The following MTHFD1L variants were observed in gnomAD, a reference collection of about 807,000 sequenced individuals.
MTHFD1L encodes the protein monofunctional C1-tetrahydrofolate synthase, mitochondrial.
Under a neutral mutation model 119.5 loss-of-function variants are expected in MTHFD1L, and 81 were observed. The ratio of observed to expected loss-of-function variants is 0.68; its 90% CI spans 0.57 to 0.82. The LOEUF is 0.82. Ranked by LOEUF, MTHFD1L falls within the 40% of genes least tolerant of loss-of-function variation. The probability of loss-of-function intolerance (pLI) is 0.00; values close to 1 mark genes in which losing one functional copy is unlikely to be tolerated. For missense variants in MTHFD1L, 1,125 were observed against 1,253.4 expected (o/e 0.90, Z 1.55); for synonymous variants, 430 against 475.2 (o/e 0.90, Z 1.24).
In MTHFD1L at chr6:150,964,452, C is replaced by G. The variant is rs138583369; in HGVS notation, c.1945-517C>G. On this transcript the variant is annotated intron_variant, in intron 18 of 27. Coordinates refer to ENST00000367321, the MANE Select transcript of MTHFD1L (RefSeq NM_015440.5). ...ACATCTAAACTAGAAAGCTTTTAAA[C>G]GTGGTAGTTTGTTGAGTTATTCTCT... is the stretch of plus-strand genomic sequence containing the variant. Among the ~76,000 whole-genome samples, 567 of 152,186 alleles carry G rather than the reference C, an allele frequency of 3.7e-3. 3 individuals carry two copies. Among genetic ancestry groups the G allele is most frequent in the African/African-American group, 0.013 (550 of 41,540 alleles).
chr6:151,093,559 A>T (rs148249915), intron 27 of MTHFD1L, among the ~76,000 whole-genome samples: 5,100 of 152,224 alleles, frequency 0.034, 174 homozygotes, highest in Admixed American at 0.11. Context: ...CGGGAGGCTG[A>T]GGCAGAGAAT....
intron 1 of MTHFD1L, among the ~76,000 whole-genome samples, chr6:150,875,588 A>G (rs1231133544): frequency 6.6e-6 from 1 of 151,598 alleles, no homozygotes; most frequent in Non-Finnish European, 1.5e-5. Context: ...TCCTTCTTTA[A>G]ATTCCAGGAC....
rs768600019 is a variant in MTHFD1L at position 151,014,990 on chromosome 6, GCCT to G, written c.2408+17_2408+19del. On this transcript the variant is annotated intron_variant, in intron 23 of 27. Transcript: ENST00000367321. ...CTCTGAATGTCTTCAAGTAAGTCCA[GCCT>G]CCTCCTTTAAATGTGGGCATTATCA... 183 of 1,611,012 alleles carry G rather than the reference GCCT, an allele frequency of 1.1e-4. No homozygotes were observed. The highest frequency in any genetic ancestry group is 1.7e-4 in the Admixed American group (10 of 59,876).
chr6:151,027,603 A>G (rs1784766205), intron 24 of MTHFD1L, among the ~76,000 whole-genome samples: 1 of 151,868 alleles, frequency 6.6e-6, no homozygotes, highest in Admixed American at 6.6e-5. Flanking sequence ...TATCAAGCTC[A>G]GATCAAGACC....
At chr6:151,092,155 G>A (rs913616298) in intron 26 of MTHFD1L, among the ~76,000 whole-genome samples, 5 of 152,084 alleles carry the variant, frequency 3.3e-5, no homozygotes, top group Admixed American at 6.6e-5. Flanking sequence ...CTTTGTTGGC[G>A]TTCAGCATGA....
rs561067551 is a variant in MTHFD1L, at chr6:150,882,741, G to GT, written c.418-14dup. ...TTTTCACAAAACTAATTTTTATTTTGTTTTTTTGTTTTCTCTTTAGATTAT... is the reference window on the plus strand; with the variant it reads ...TTTTCACAAAACTAATTTTTATTTTGTTTTTTTTGTTTTCTCTTTAGATTAT... On this transcript the variant is annotated intron_variant, in intron 4 of 27. Coordinates refer to ENST00000367321, the MANE Select transcript of MTHFD1L (RefSeq NM_015440.5). The GT allele has an allele frequency of 4.1e-3, 5,958 of 1,438,708 alleles. 24 individuals are homozygous for GT. The highest frequency in any genetic ancestry group is 4.7e-3 in the Admixed American group (165 of 35,068). The allele number at this position is 1,438,708 out of a possible 1,614,324, so 89.1% of individuals were successfully genotyped here.
chr6:150,866,755 G>C, intron 1 of MTHFD1L: 14 of 992,282 alleles, frequency 1.4e-5, no homozygotes, highest in Non-Finnish European at 1.7e-5. Flanking sequence ...AGGGTTTTCT[G>C]CGGGCCCAGA....
chr6:151,065,751 T>C (rs1438081401), intron 26 of MTHFD1L, among the ~76,000 whole-genome samples: 1 of 152,232 alleles, frequency 6.6e-6, no homozygotes, highest in Non-Finnish European at 1.5e-5. Context: ...GGTGTGGCCA[T>C]ACATGCCCAT....
At chr6:151,096,015 T>G (rs2128662045) in intron 27 of MTHFD1L, among the ~76,000 whole-genome samples, 1 of 152,304 alleles carries the variant, frequency 6.6e-6, no homozygotes, top group East Asian at 1.9e-4. Flanking sequence ...AAGACTCAAC[T>G]CAGATCTGTT....
intron 24 of MTHFD1L, among the ~76,000 whole-genome samples, chr6:151,018,347 T>C (rs1339761453): frequency 3.3e-5 from 5 of 151,952 alleles, no homozygotes; most frequent in Admixed American, 1.3e-4. Context: ...AAGCCTGGAG[T>C]CACAGTGGTG....
rs367943145 is a variant in MTHFD1L at position 150,872,127 on chromosome 6, C to T, written c.228-3963C>T. On this transcript the variant is annotated intron_variant, in intron 1 of 27. Coordinates refer to ENST00000367321, the MANE Select transcript of MTHFD1L (RefSeq NM_015440.5). ...TCCTGACCTCGTGATCCGCCCGCCTCGGCCTCCCAAAGTGCTGGGATTACA... is the reference window on the plus strand; with the variant it reads ...TCCTGACCTCGTGATCCGCCCGCCTTGGCCTCCCAAAGTGCTGGGATTACA... Among the ~76,000 whole-genome samples, 60 of 152,148 alleles carry T rather than the reference C, an allele frequency of 3.9e-4. 1 individual carries two copies. The East Asian group carries it at 7.0e-3, about 18-fold the overall frequency.
intron 11 of MTHFD1L, among the ~76,000 whole-genome samples, chr6:150,936,278 C>T (rs1468028082): frequency 6.6e-6 from 1 of 152,168 alleles, no homozygotes; most frequent in African/African-American, 2.4e-5. Flanking sequence ...TGTGTTCAAG[C>T]ATGGCAGGGA....
chr6:151,047,047 A>C (rs928356650), intron 26 of MTHFD1L, among the ~76,000 whole-genome samples: 1 of 152,122 alleles, frequency 6.6e-6, no homozygotes, highest in African/African-American at 2.4e-5. Flanking sequence ...TGTTCCTTAA[A>C]TTATCCACCC....
At chr6:151,036,293 G>A (rs1432385012) in intron 25 of MTHFD1L, among the ~76,000 whole-genome samples, 2 of 152,014 alleles carry the variant, frequency 1.3e-5, no homozygotes, top group Non-Finnish European at 2.9e-5. Context: ...GTATGTGGTT[G>A]CAATGAATTA....
chr6:150,887,728 A>G (rs544983013), intron 6 of MTHFD1L, 117 bp from the exon 7 acceptor site: 3 of 1,111,270 alleles, frequency 2.7e-6, no homozygotes, highest in East Asian at 5.4e-5. Flanking sequence ...AAGTGCTGGA[A>G]TTATAGGCAT....
At chr6:150,963,777 C>A (rs1029788443) in intron 18 of MTHFD1L, among the ~76,000 whole-genome samples, 6 of 152,286 alleles carry the variant, frequency 3.9e-5, no homozygotes, top group Admixed American at 2.0e-4. Context: ...GCTACCGTTA[C>A]AAGCATTTGC....
chr6:151,098,773 A>G (rs893613380), intron 27 of MTHFD1L, among the ~76,000 whole-genome samples: 5 of 152,250 alleles, frequency 3.3e-5, no homozygotes, highest in African/African-American at 4.8e-5. Context: ...CATAAGCAAT[A>G]AACAACAGAT....
chr6:150,936,978 A>G, intron 12 of MTHFD1L, 38 bp downstream of exon 12: 1 of 1,601,138 alleles, frequency 6.2e-7, no homozygotes, highest in South Asian at 1.1e-5. Context: ...TTCAGGGCAA[A>G]GTTGGGGGGA....
At chr6:151,028,732 C>G (rs1392801849) in intron 24 of MTHFD1L, among the ~76,000 whole-genome samples, 1 of 152,134 alleles carries the variant, frequency 6.6e-6, no homozygotes, top group Non-Finnish European at 1.5e-5. Flanking sequence ...GGTTGCCCGA[C>G]ACCATAAATG....
Sources: gnomAD v4.1 joint callset for allele counts (sites outside exome capture counted in the v4.1 genomes callset) on GRCh38, gnomAD v4.1.1 for gene constraint, MANE v1.5 for transcripts, NCBI Gene and HGNC (gene_info 2026-07-23, HGNC 2026-07-21) for gene names.